The following MSMO1 variants were observed in gnomAD, a reference collection of about 807,000 sequenced individuals.
MSMO1 encodes C-4 methylsterol oxidase.
Under a neutral mutation model 30.4 loss-of-function variants are expected in MSMO1, and 18 were observed. The observed-to-expected ratio is 0.59, with a 90% CI of 0.41 to 0.88. MSMO1 has a LOEUF of 0.88. Among genes scored for constraint, MSMO1 ranks in the 40% least tolerant of loss-of-function variants. The probability of loss-of-function intolerance (pLI) is 0.00; values close to 1 mark genes in which losing one functional copy is unlikely to be tolerated. For missense variants in MSMO1, 284 were observed against 340.5 expected (o/e 0.83, Z 1.31); for synonymous variants, 84 against 107.9 (o/e 0.78, Z 1.37).
rs925319888 is a variant in MSMO1, at chr4:165,333,693, GC to G, written c.255+69del. The G allele has an allele frequency of 9.8e-5, 140 of 1,430,070 alleles. 1 individual carries two copies. In the Admixed American group the frequency reaches 2.1e-3, roughly 21 times the overall value. 88.6% of individuals were successfully genotyped at this position (1,430,070 alleles called of 1,614,324 possible). On this transcript the variant is annotated intron_variant, in intron 2 of 5. Coordinates refer to ENST00000261507, the MANE Select transcript of MSMO1 (RefSeq NM_006745.5). ...GCTGAATATTTTAAAAGTACATAGG[GC>G]TTTGTTTTGTGAGGCTAAAGCAGTG...
chr4:165,328,768 A>G (rs1747306993), intron 1 of MSMO1, among the ~76,000 whole-genome samples: 1 of 152,226 alleles, frequency 6.6e-6, no homozygotes, highest in Admixed American at 6.5e-5. Context: ...CAGTATATCC[A>G]TTCCCTCGCT....
rs966172661 is a variant in MSMO1, at chr4:165,342,040, C to T, written c.*94C>T. The stretch of plus-strand genomic sequence containing the variant: ...TTCTGGAGAGCAGAAATAAGCATGT[C>T]TTCTGGCTACTAAGTGATAAAAAGA... On this transcript the variant is annotated 3_prime_UTR_variant, in exon 6 of 6. Transcript: ENST00000261507. 3.8e-6 allele frequency: 4 copies of T among 1,039,382 alleles called. No homozygotes were observed. In the African/African-American group the frequency reaches 4.8e-5, roughly 12 times the overall value. The allele number at this position is 1,039,382 out of a possible 1,614,324, so 64.4% of individuals were successfully genotyped here. A position where few individuals can be genotyped will look rare whatever the true frequency, so the allele number is the denominator to read the frequency against.
Position 165,342,256 on chromosome 4 carries a change from A to G in MSMO1, c.*310A>G. 1 of 260,338 alleles carries G rather than the reference A, an allele frequency of 3.8e-6. No individual in the cohort carries two copies. Among genetic ancestry groups the G allele is most frequent in the Non-Finnish European group, 7.3e-6 (1 of 136,296 alleles). 16.1% of individuals were successfully genotyped at this position (260,338 alleles called of 1,614,324 possible). ...ATTAATCTATGGCTTTTCTCCCAGT[A>G]AAACCATAGGCCTGAAGTTCACATT... On this transcript the variant is annotated 3_prime_UTR_variant, in exon 6 of 6. Coordinates refer to ENST00000261507, the MANE Select transcript of MSMO1 (RefSeq NM_006745.5).
At chr4:165,330,997 G>C (rs1470255464) in intron 1 of MSMO1, among the ~76,000 whole-genome samples, 15 of 152,150 alleles carry the variant, frequency 9.9e-5, no homozygotes, top group Admixed American at 9.8e-4. Flanking sequence ...GGCTAGGAAG[G>C]TGTTTATCAA....
At chr4:165,334,062 C>T (rs1037748192) in intron 2 of MSMO1, among the ~76,000 whole-genome samples, 3 of 152,034 alleles carry the variant, frequency 2.0e-5, no homozygotes, top group Admixed American at 1.3e-4. Context: ...CTAGCATAGG[C>T]GACAGAGTGA....
intron 1 of MSMO1, among the ~76,000 whole-genome samples, chr4:165,329,076 G>A (rs1282471641): frequency 1.3e-5 from 2 of 152,282 alleles, no homozygotes; most frequent in Non-Finnish European, 2.9e-5. Context: ...ATGGATGTCA[G>A]CATATTTTTA....
intron 3 of MSMO1, among the ~76,000 whole-genome samples, chr4:165,338,306 G>A (rs4524340): frequency 0.019 from 1,563 of 83,236 alleles, 23 homozygotes; most frequent in Middle Eastern, 0.029. Context: ...ATATGTATGT[G>A]TATATATATA....
At chr4:165,338,246 T>C (rs1747612592) in intron 3 of MSMO1, among the ~76,000 whole-genome samples, 1 of 151,384 alleles carries the variant, frequency 6.6e-6, no homozygotes. Context: ...GAATGAAATA[T>C]ATGAGAATCA....
rs3043074 is a variant in MSMO1, at chr4:165,336,235, T to TAAA, written c.256-1542_256-1540dup. Among the ~76,000 whole-genome samples the TAAA allele has an allele frequency of 3.1e-3, 457 of 146,850 alleles. 4 individuals are homozygous for TAAA. The South Asian group carries it at 0.031, about 10-fold the overall frequency. ...GCAGACTTTGCAGGATCTATTTCTT[T>TAAA]AAAAAAAAAAAAAACATACATCTTA... On this transcript the variant is annotated intron_variant, in intron 2 of 5. Coordinates refer to ENST00000261507, the MANE Select transcript of MSMO1 (RefSeq NM_006745.5).
At chr4:165,340,093 A>C (rs898082891) in intron 4 of MSMO1, 128 bp from the exon 5 acceptor site, 5 of 768,184 alleles carry the variant, frequency 6.5e-6, no homozygotes, top group Admixed American at 2.3e-5. Context: ...TCTAAAAAAT[A>C]CCTTCACAAC....
At chr4:165,330,996 G>C (rs1747373203) in intron 1 of MSMO1, among the ~76,000 whole-genome samples, 1 of 152,138 alleles carries the variant, frequency 6.6e-6, no homozygotes, top group Non-Finnish European at 1.5e-5. Context: ...AGGCTAGGAA[G>C]GTGTTTATCA....
At chr4:165,336,555 A>G (rs1747551014) in intron 2 of MSMO1, among the ~76,000 whole-genome samples, 1 of 152,240 alleles carries the variant, frequency 6.6e-6, no homozygotes, top group Non-Finnish European at 1.5e-5. Context: ...TCTATTAACC[A>G]TAGTTGCTGT....
chr4:165,339,224 C>T (rs772885067), intron 4 of MSMO1, among the ~76,000 whole-genome samples: 14 of 150,248 alleles, frequency 9.3e-5, no homozygotes, highest in African/African-American at 2.4e-4. Flanking sequence ...CCTGCCTCAG[C>T]CTTTCAGGTA....
intron 1 of MSMO1, among the ~76,000 whole-genome samples, chr4:165,330,013 G>T (rs1747348311): frequency 1.3e-5 from 2 of 152,050 alleles, no homozygotes; most frequent in Non-Finnish European, 1.5e-5. Context: ...AATATAAACA[G>T]GAAATAAGAA....
At chr4:165,340,930 A>G (rs1313010734) in intron 5 of MSMO1, among the ~76,000 whole-genome samples, 3 of 152,204 alleles carry the variant, frequency 2.0e-5, no homozygotes, top group Non-Finnish European at 1.5e-5. Context: ...TGAATGCAGA[A>G]TATCAAATTC....
intron 1 of MSMO1, among the ~76,000 whole-genome samples, chr4:165,328,768 AT>A (rs1747307056): frequency 6.6e-6 from 1 of 152,226 alleles, no homozygotes; most frequent in Non-Finnish European, 1.5e-5. Flanking sequence ...CAGTATATCC[AT>A]TCCCTCGCTC....
chr4:165,341,071 C>T (rs1171822122), intron 5 of MSMO1, among the ~76,000 whole-genome samples: 3 of 151,680 alleles, frequency 2.0e-5, no homozygotes, highest in Non-Finnish European at 4.4e-5. Context: ...TTCTTTCTGC[C>T]TTCCTTCCTC....
At chr4:165,333,688 AT>A in intron 2 of MSMO1, 63 bp downstream of exon 2, 2 of 1,455,102 alleles carry the variant, frequency 1.4e-6, no homozygotes, top group Non-Finnish European at 1.9e-6. Flanking sequence ...TTAAAAGTAC[AT>A]AGGGCTTTGT....
Position 165,342,016 on chromosome 4 carries a change from T to A in MSMO1, c.*70T>A. The stretch of plus-strand genomic sequence containing the variant: ...TCAGAAACTAGTAGCTAACATTGCT[T>A]CTGGAGAGCAGAAATAAGCATGTCT... On this transcript the variant is annotated 3_prime_UTR_variant, in exon 6 of 6. Coordinates refer to ENST00000261507, the MANE Select transcript of MSMO1 (RefSeq NM_006745.5). 1 of 1,277,416 alleles carries A rather than the reference T, an allele frequency of 7.8e-7. No homozygotes were observed. Among genetic ancestry groups the A allele is most frequent in the Non-Finnish European group, 1.1e-6 (1 of 886,350 alleles). The allele number at this position is 1,277,416 out of a possible 1,614,324, so 79.1% of individuals were successfully genotyped here.
Sources: allele counts gnomAD v4.1 joint callset (sites outside exome capture counted in the v4.1 genomes callset), GRCh38; gene constraint gnomAD v4.1.1; transcripts MANE v1.5; gene names NCBI Gene and HGNC (gene_info 2026-07-23, HGNC 2026-07-21).